AGBL4: variants seen among roughly 807,000 people sequenced by gnomAD.
The protein encoded by AGBL4 is AGBL carboxypeptidase 4.
A neutral mutation model predicts 66.4 loss-of-function variants in AGBL4; 58 were observed. The ratio of observed to expected loss-of-function variants is 0.87; its 90% CI spans 0.71 to 1.09. The LOEUF is 1.09. Among genes scored for constraint, AGBL4 ranks in the 50% least tolerant of loss-of-function variants. AGBL4 has a pLI of 0.00. For synonymous variants in AGBL4, 234 were observed against 222.9 expected, an observed-to-expected ratio of 1.05 and a Z score of -0.44; for missense variants, 579 against 631.0, an observed-to-expected ratio of 0.92 and a Z score of 0.88.
intron 3 of AGBL4, among the ~76,000 whole-genome samples, chr1:49,595,305 G>A (rs1644831335): frequency 6.6e-6 from 1 of 151,934 alleles, no homozygotes; most frequent in Non-Finnish European, 1.5e-5. Context: ...TAGCCAGGAT[G>A]GTCTTGATCT....
chr1:49,082,561 G>C (rs1571402477), intron 4 of AGBL4, among the ~76,000 whole-genome samples: 1 of 152,156 alleles, frequency 6.6e-6, no homozygotes, highest in East Asian at 1.9e-4. Flanking sequence ...TGTAAGAACA[G>C]TAAGGGGAAA....
At chr1:49,419,891 T>C (rs914470583) in intron 3 of AGBL4, among the ~76,000 whole-genome samples, 5 of 152,190 alleles carry the variant, frequency 3.3e-5, no homozygotes, top group Admixed American at 6.5e-5. Flanking sequence ...ATAGGTGATA[T>C]AAAGTCTTGC....
At chr1:49,418,043 C>G (rs1367628689) in intron 3 of AGBL4, among the ~76,000 whole-genome samples, 1 of 152,136 alleles carries the variant, frequency 6.6e-6, no homozygotes, top group African/African-American at 2.4e-5. Flanking sequence ...CACAGAAAGG[C>G]CATTCCAAGT....
intron 3 of AGBL4, among the ~76,000 whole-genome samples, chr1:49,248,531 G>C (rs1019468097): frequency 6.6e-6 from 1 of 152,136 alleles, no homozygotes; most frequent in Non-Finnish European, 1.5e-5. Context: ...AACCAAGTCT[G>C]TTGCCTCAGA....
At chr1:49,928,065 TA>T (rs1165980793) in intron 1 of AGBL4, among the ~76,000 whole-genome samples, 1 of 151,906 alleles carries the variant, frequency 6.6e-6, no homozygotes, top group South Asian at 2.1e-4. Flanking sequence ...ATTAACGAGA[TA>T]AAAAATTATA....
rs560320006 is a variant in AGBL4 at position 49,637,756 on chromosome 1, A to T, written c.282+59557T>A. Among the ~76,000 whole-genome samples, 20 of 152,298 alleles carry T rather than the reference A, an allele frequency of 1.3e-4. 1 individual carries two copies. In the South Asian group the frequency reaches 3.9e-3, roughly 30 times the overall value. ...AAACCTAATAGCAACAAATTAAAAA[A>T]TAAAAAAAAATTATCTGTAGACTTG... On this transcript the variant is annotated intron_variant, in intron 3 of 13. Coordinates refer to ENST00000371839, the MANE Select transcript of AGBL4 (RefSeq NM_032785.4).
intron 5 of AGBL4, among the ~76,000 whole-genome samples, chr1:48,928,691 T>C (rs1235951077): frequency 2.0e-5 from 3 of 152,178 alleles, no homozygotes; most frequent in Non-Finnish European, 4.4e-5. Context: ...TGGGCCTTAG[T>C]TGTCTCACTT....
chr1:48,714,448 C>G (rs1435722948), intron 6 of AGBL4, among the ~76,000 whole-genome samples: 4 of 152,226 alleles, frequency 2.6e-5, no homozygotes, highest in African/African-American at 9.6e-5. Context: ...GCAAACCATG[C>G]TGGTTTTAAC....
chr1:49,734,702 T>G (rs939421436), intron 2 of AGBL4, among the ~76,000 whole-genome samples: 3 of 152,108 alleles, frequency 2.0e-5, no homozygotes, highest in Non-Finnish European at 4.4e-5. Context: ...TAAGTTCATG[T>G]GTAACTTTAA....
intron 4 of AGBL4, among the ~76,000 whole-genome samples, chr1:49,089,668 A>G (rs913265226): frequency 6.6e-6 from 1 of 152,182 alleles, no homozygotes; most frequent in Non-Finnish European, 1.5e-5. Context: ...CCAGATGTAT[A>G]AAGAAAAACT....
At chr1:48,574,852 T>A (rs1044176098) in intron 11 of AGBL4, among the ~76,000 whole-genome samples, 25 of 152,188 alleles carry the variant, frequency 1.6e-4, no homozygotes, top group African/African-American at 6.0e-4. Context: ...ACAGGCAGCA[T>A]GTCTTGGCTG....
At chr1:48,527,751 G>A in the AGBL4 span, among the ~76,000 whole-genome samples, 1 of 152,100 alleles carries the variant, frequency 6.6e-6, no homozygotes, top group Non-Finnish European at 1.5e-5. Context: ...TCTTAGTTAA[G>A]AGGAACAGAG....
chr1:49,480,459 C>G (rs1048960395), intron 3 of AGBL4, among the ~76,000 whole-genome samples: 3 of 149,812 alleles, frequency 2.0e-5, no homozygotes, highest in Admixed American at 6.6e-5. Context: ...CTGTTCATGT[C>G]CTTTGCCCAC....
chr1:49,354,146 G>T (rs1320986863), intron 3 of AGBL4, among the ~76,000 whole-genome samples: 1 of 152,172 alleles, frequency 6.6e-6, no homozygotes, highest in South Asian at 2.1e-4. Flanking sequence ...TGGAGCTGGA[G>T]CCTAAAAGTG....
intron 3 of AGBL4, among the ~76,000 whole-genome samples, chr1:49,611,037 A>G (rs184525370): frequency 3.8e-4 from 58 of 152,300 alleles, no homozygotes; most frequent in Non-Finnish European, 7.4e-4. Context: ...TCTTTCTCCA[A>G]TGGAGGTTGA....
chr1:49,335,758 G>A (rs539011846), intron 3 of AGBL4, among the ~76,000 whole-genome samples: 12 of 152,096 alleles, frequency 7.9e-5, no homozygotes, highest in East Asian at 7.8e-4. Context: ...CTTGTGATCC[G>A]CCCACCTTGG....
chr1:49,983,916 G>A (rs1390368379), intron 1 of AGBL4, among the ~76,000 whole-genome samples: 1 of 152,146 alleles, frequency 6.6e-6, no homozygotes. Flanking sequence ...TGAGTTCCCA[G>A]CCATGACGGG....
intron 3 of AGBL4, among the ~76,000 whole-genome samples, chr1:49,657,503 A>G (rs1023088810): frequency 7.9e-5 from 12 of 152,182 alleles, no homozygotes; most frequent in Non-Finnish European, 1.8e-4. Context: ...ATTGGAAAAA[A>G]CTGCTTTAAA....
chr1:48,656,253 A>C (rs1284374859), intron 7 of AGBL4, among the ~76,000 whole-genome samples: 1 of 152,198 alleles, frequency 6.6e-6, no homozygotes, highest in Non-Finnish European at 1.5e-5. Context: ...CCAAACCTCA[A>C]CTGAGACATA....
Sources: gnomAD v4.1 joint callset for allele counts (sites outside exome capture counted in the v4.1 genomes callset) on GRCh38, gnomAD v4.1.1 for gene constraint, MANE v1.5 for transcripts, NCBI Gene and HGNC (gene_info 2026-07-23, HGNC 2026-07-21) for gene names.